The following SYT1 variants were observed in gnomAD, a reference collection of about 807,000 sequenced individuals.
SYT1 encodes synaptotagmin-1.
SYT1 carries 8 observed loss-of-function variants against 44.8 expected under a neutral mutation model. The observed-to-expected ratio is 0.18, with a 90% CI of 0.10 to 0.32. The LOEUF is 0.32. SYT1 is among the 10% of genes least tolerant of loss of function. The probability of loss-of-function intolerance (pLI) is 1.00; values close to 1 mark genes in which losing one functional copy is unlikely to be tolerated. For missense variants in SYT1, 286 were observed against 509.3 expected, an observed-to-expected ratio of 0.56 and a Z score of 4.22; for synonymous variants, 154 against 188.8, an observed-to-expected ratio of 0.82 and a Z score of 1.51.
chr12:79,331,768 T>C (rs1258560709), intron 8 of SYT1, among the ~76,000 whole-genome samples: 3 of 152,054 alleles, frequency 2.0e-5, no homozygotes, highest in Non-Finnish European at 4.4e-5. Context: ...TTTTTAAGAA[T>C]GTTTAGTTTG....
At chr12:79,217,021 C>T (rs567573861) in intron 3 of SYT1, among the ~76,000 whole-genome samples, 2 of 152,124 alleles carry the variant, frequency 1.3e-5, no homozygotes, top group East Asian at 3.9e-4. Context: ...AATAATATTA[C>T]TTATAACCAT....
At chr12:79,237,843 C>T (rs1390476681) in intron 4 of SYT1, among the ~76,000 whole-genome samples, 5 of 152,020 alleles carry the variant, frequency 3.3e-5, no homozygotes, top group African/African-American at 1.2e-4. Flanking sequence ...CACTTATGAT[C>T]CCAATTTTAT....
intron 1 of SYT1, among the ~76,000 whole-genome samples, chr12:78,871,137 A>T (rs1395345343): frequency 6.6e-6 from 1 of 152,006 alleles, no homozygotes; most frequent in Non-Finnish European, 1.5e-5. Context: ...TTCAAAATCC[A>T]TCTGTGTCTG....
At position 78,929,446 on chromosome 12, in the gene SYT1, A is replaced by G. The variant is rs796403334; in HGVS notation, c.-216-48353A>G. Among the ~76,000 whole-genome samples the G allele has an allele frequency of 7.0e-3, 893 of 128,342 alleles. 41 individuals carry two copies. Among genetic ancestry groups the G allele is most frequent in the African/African-American group, 0.032 (824 of 25,818 alleles). 84.2% of individuals were successfully genotyped at this position (128,342 alleles called of 152,430 possible). On this transcript the variant is annotated intron_variant, in intron 1 of 10. Coordinates refer to ENST00000261205, the MANE Select transcript of SYT1 (RefSeq NM_005639.3). ...AAAAAAAAAAAAAAAAAAAAAAAAA[A>G]GGTTATTAGCAGCAATTAGTTTTAT...
chr12:78,966,938 G>C (rs1868262673), intron 1 of SYT1, among the ~76,000 whole-genome samples: 1 of 152,022 alleles, frequency 6.6e-6, no homozygotes, highest in Admixed American at 6.6e-5. Flanking sequence ...TTAACAATCT[G>C]TTGTTCAAAA....
chr12:78,874,136 C>T lies in SYT1; in HGVS notation c.-217+9027C>T, dbSNP rs573320468. Among the ~76,000 whole-genome samples, 66 of 151,556 alleles carry T rather than the reference C, an allele frequency of 4.4e-4. 1 individual carries two copies. The highest frequency in any genetic ancestry group is 8.6e-4 in the Admixed American group (13 of 15,196). ...ATCCCATTTAATATTCTCAATAACT[C>T]CTTGGGATTTGTGCTAATTTGTTTA... On this transcript the variant is annotated intron_variant, in intron 1 of 10. Transcript: ENST00000261205.
At chr12:79,306,357 A>G (rs1880399187) in intron 8 of SYT1, among the ~76,000 whole-genome samples, 1 of 152,208 alleles carries the variant, frequency 6.6e-6, no homozygotes, top group Non-Finnish European at 1.5e-5. Flanking sequence ...TGTATAATAC[A>G]TTATCTGTTC....
intron 3 of SYT1, among the ~76,000 whole-genome samples, chr12:79,105,890 A>G (rs529708199): frequency 6.6e-6 from 1 of 151,676 alleles, no homozygotes; most frequent in East Asian, 1.9e-4. Context: ...AAGAAAAGAA[A>G]AAAAAAAAAA....
chr12:79,371,808 T>C (rs1883802833), intron 9 of SYT1, among the ~76,000 whole-genome samples: 1 of 152,222 alleles, frequency 6.6e-6, no homozygotes. Context: ...ACCTTTTTCT[T>C]TTCTGCCCCT....
chr12:78,880,915 C>T (rs751486385), intron 1 of SYT1, among the ~76,000 whole-genome samples: 1 of 151,542 alleles, frequency 6.6e-6, no homozygotes, highest in Non-Finnish European at 1.5e-5. Flanking sequence ...ACTGAATTTT[C>T]CTCCTAACTA....
chr12:78,919,879 A>G lies in SYT1; in HGVS notation c.-217+54770A>G, dbSNP rs140831849. ...GTGCCACAATTCCTAAGACTCTAGA[A>G]CATTTCCATAATTTGTATTATATAT... On this transcript the variant is annotated intron_variant, in intron 1 of 10. Coordinates refer to ENST00000261205, the MANE Select transcript of SYT1 (RefSeq NM_005639.3). Among the ~76,000 whole-genome samples the G allele has an allele frequency of 2.0e-3, 302 of 152,166 alleles. 2 individuals carry two copies. The highest frequency in any genetic ancestry group is 6.9e-3 in the African/African-American group (287 of 41,546).
intron 1 of SYT1, among the ~76,000 whole-genome samples, chr12:78,897,651 T>C (rs1446079393): frequency 6.6e-6 from 1 of 152,052 alleles, no homozygotes; most frequent in East Asian, 1.9e-4. Flanking sequence ...ATATAACTTA[T>C]TAAGTGCTAC....
At chr12:78,866,179 G>A (rs546142591) in intron 1 of SYT1, among the ~76,000 whole-genome samples, 1 of 152,130 alleles carries the variant, frequency 6.6e-6, no homozygotes, top group Admixed American at 6.5e-5. Context: ...CATTTGTGTA[G>A]AATTTTCACT....
intron 3 of SYT1, among the ~76,000 whole-genome samples, chr12:79,063,601 AATAAG>A (rs1171100856): frequency 5.9e-5 from 9 of 152,126 alleles, no homozygotes; most frequent in Admixed American, 1.3e-4. Flanking sequence ...TAGAATTACA[AATAAG>A]ATAATATTAT....
intron 7 of SYT1, among the ~76,000 whole-genome samples, chr12:79,296,906 A>G (rs1879900402): frequency 7.7e-6 from 1 of 129,482 alleles, no homozygotes; most frequent in Non-Finnish European, 1.7e-5. Context: ...GCTTGAAATC[A>G]TTCATTAAAA....
intron 9 of SYT1, among the ~76,000 whole-genome samples, chr12:79,437,338 G>A (rs1870148646): frequency 6.6e-6 from 1 of 152,160 alleles, no homozygotes; most frequent in Non-Finnish European, 1.5e-5. Context: ...ACATGGCAGT[G>A]GGTTAGAAAG....
chr12:79,193,292 G>C (rs563342198), intron 3 of SYT1, among the ~76,000 whole-genome samples: 1 of 152,228 alleles, frequency 6.6e-6, no homozygotes, highest in Admixed American at 6.5e-5. Context: ...AGACATAAGA[G>C]ATGTACTAGG....
Position 79,189,349 on chromosome 12 carries a change from C to G in SYT1, c.-17-28154C>G, listed in dbSNP as rs966461891. Among the ~76,000 whole-genome samples the G allele has an allele frequency of 2.6e-5, 4 of 152,112 alleles. No homozygotes were observed. The East Asian group carries it at 7.7e-4, about 29-fold the overall frequency. On this transcript the variant is annotated intron_variant, in intron 3 of 10. Coordinates refer to ENST00000261205, the MANE Select transcript of SYT1 (RefSeq NM_005639.3). ...TGCAGTATCTACTATAGAAGGAATT[C>G]TATCAAATGATGTTGGCCTAGTTGA...
At chr12:79,313,682 G>T (rs549287952) in intron 8 of SYT1, among the ~76,000 whole-genome samples, 1 of 151,566 alleles carries the variant, frequency 6.6e-6, no homozygotes, top group African/African-American at 2.4e-5. Flanking sequence ...CAGAACTACA[G>T]GGTAGATTAA....
Sources: gnomAD v4.1 joint callset for allele counts (sites outside exome capture counted in the v4.1 genomes callset) on GRCh38, gnomAD v4.1.1 for gene constraint, MANE v1.5 for transcripts, NCBI Gene and HGNC (gene_info 2026-07-23, HGNC 2026-07-21) for gene names.